The following FOXRED1 variants were observed in gnomAD, a reference collection of about 807,000 sequenced individuals.
The protein encoded by FOXRED1 is FAD-dependent oxidoreductase domain-containing protein 1.
In FOXRED1, 52 loss-of-function variants were observed where a neutral mutation model predicts 57.8. The ratio of observed to expected loss-of-function variants is 0.90; its 90% CI spans 0.72 to 1.13. The LOEUF (loss-of-function observed/expected upper bound fraction) is 1.13. Among genes scored for constraint, FOXRED1 ranks in the 50% most tolerant of loss-of-function variants. The pLI is 0.00. For missense variants in FOXRED1, 589 were observed against 625.2 expected, an observed-to-expected ratio of 0.94 and a Z score of 0.62; for synonymous variants, 271 against 248.3, an observed-to-expected ratio of 1.09 and a Z score of -0.86.
rs756157814 is a variant in FOXRED1 at position 126,277,783 on chromosome 11, C to A, written c.*94C>A. ...CCATCTTCCCCAGTACTGTGCCAGG[C>A]CTTCTCCCCCTCCCCAGTGTCCTCT... On this transcript the variant is annotated 3_prime_UTR_variant, in exon 11 of 11. Coordinates refer to ENST00000263578, the MANE Select transcript of FOXRED1 (RefSeq NM_017547.4). The surrounding 1 kb of genome is among the most constrained non-coding windows in gnomAD (Gnocchi z 6.8). 2.2e-6 allele frequency: 3 copies of A among 1,344,796 alleles called. No individual in the cohort carries two copies. The highest frequency in any genetic ancestry group is 2.3e-5 in the South Asian group (2 of 85,258). 83.3% of individuals were successfully genotyped at this position (1,344,796 alleles called of 1,614,324 possible).
Position 126,275,250 on chromosome 11 carries a change from G to T in FOXRED1, c.632-77G>T. ...CCCGGCTTACAAGCCCTAGAGAGGG[G>T]TTGGGGGGCACAGGAAATACAATCC... On this transcript the variant is annotated intron_variant, in intron 5 of 10. Coordinates refer to ENST00000263578, the MANE Select transcript of FOXRED1 (RefSeq NM_017547.4). This position sits in a 1 kb window ranked among gnomAD's most constrained non-coding sequence, Gnocchi z 5.9. 3 of 1,132,088 alleles carry T rather than the reference G, an allele frequency of 2.6e-6. No homozygotes were observed. The highest frequency in any genetic ancestry group is 2.5e-5 in the South Asian group (2 of 80,904). The allele number at this position is 1,132,088 out of a possible 1,614,324, so 70.1% of individuals were successfully genotyped here.
chr11:126,273,445 A>G lies in FOXRED1; in HGVS notation c.527A>G (p.Lys176Arg). The change falls in exon 4 of 11, where the codon AAA (lysine) becomes AGA (arginine). Residue 176 changes from lysine to arginine, a missense_variant. Coordinates refer to ENST00000263578, the MANE Select transcript of FOXRED1 (RefSeq NM_017547.4). This position sits in a 1 kb window ranked among gnomAD's most constrained non-coding sequence, Gnocchi z 5.9. ...KDAAAMESNV[K>R]VQRQEGAKVS... ...GCTGCAGCCATGGAGAGCAACGTGA[A>G]AGTGCAGAGGTGGGTGCCTGGCACA... The G allele has an allele frequency of 6.2e-7, 1 of 1,611,404 alleles. No homozygotes were observed. The highest frequency in any genetic ancestry group is 8.5e-7 in the Non-Finnish European group (1 of 1,177,760).
chr11:126,271,861 T>G lies in FOXRED1; in HGVS notation c.306+204T>G. 1.7e-6 allele frequency: 1 copy of G among 599,804 alleles called. No homozygotes were observed. Among genetic ancestry groups the G allele is most frequent in the Non-Finnish European group, 3.0e-6 (1 of 331,382 alleles). 37.2% of individuals were successfully genotyped at this position (599,804 alleles called of 1,614,324 possible). The stretch of plus-strand genomic sequence containing the variant: ...CCAGGAAGCTTGGCAATAAGGTTTG[T>G]TCTTTTGAAAGCAGATATCACCATA... On this transcript the variant is annotated intron_variant, in intron 2 of 10. Coordinates refer to ENST00000263578, the MANE Select transcript of FOXRED1 (RefSeq NM_017547.4). The surrounding 1 kb of genome is among the most constrained non-coding windows in gnomAD (Gnocchi z 5.3).
chr11:126,277,255 C>T lies in FOXRED1; in HGVS notation c.1206+80C>T, dbSNP rs904585803. The T allele has an allele frequency of 2.2e-5, 27 of 1,209,280 alleles. No homozygotes were observed. Among genetic ancestry groups the T allele is most frequent in the African/African-American group, 6.0e-5 (4 of 66,984 alleles). 74.9% of individuals were successfully genotyped at this position (1,209,280 alleles called of 1,614,324 possible). A position where few individuals can be genotyped will look rare whatever the true frequency, so the allele number is the denominator to read the frequency against. The stretch of plus-strand genomic sequence containing the variant: ...TGACAGTGGAGCACATTGGTCCCCT[C>T]GGACCCGTGACTGCCGTAGTCCCTC... On this transcript the variant is annotated intron_variant, in intron 10 of 10. Coordinates refer to ENST00000263578, the MANE Select transcript of FOXRED1 (RefSeq NM_017547.4). This position sits in a 1 kb window ranked among gnomAD's most constrained non-coding sequence, Gnocchi z 6.8.
chr11:126,270,618 C>G (rs1365857033), intron 1 of FOXRED1, among the ~76,000 whole-genome samples: 1 of 152,142 alleles, frequency 6.6e-6, no homozygotes, highest in Non-Finnish European at 1.5e-5. Context: ...CATCAAGGAA[C>G]TAAAGGGCCT....
Position 126,275,666 on chromosome 11 carries a change from CTG to C in FOXRED1, c.734-126_734-125del, listed in dbSNP as rs1000064062. The stretch of plus-strand genomic sequence containing the variant: ...CAAGCTCATGCCAGCTCCCTCATCT[CTG>C]TTTGCTTCAGTGTCTGTGGGAAAGC... On this transcript the variant is annotated intron_variant, in intron 6 of 10. Transcript: ENST00000263578. This position sits in a 1 kb window ranked among gnomAD's most constrained non-coding sequence, Gnocchi z 5.9. 2.5e-5 allele frequency: 19 copies of C among 756,118 alleles called. No homozygotes were observed. In the African/African-American group the frequency reaches 2.9e-4, roughly 12 times the overall value. 46.8% of individuals were successfully genotyped at this position (756,118 alleles called of 1,614,324 possible).
rs989206881 is a variant in FOXRED1 at position 126,272,666 on chromosome 11, C to T, written c.307-303C>T. ...CTTGCTACTTTACTTCAATCATAACCTTTCATTTCCCAAATGGTAGGTCAA... is the reference window on the plus strand; with the variant it reads ...CTTGCTACTTTACTTCAATCATAACTTTTCATTTCCCAAATGGTAGGTCAA... On this transcript the variant is annotated intron_variant, in intron 2 of 10. Transcript: ENST00000263578. The surrounding 1 kb of genome is among the most constrained non-coding windows in gnomAD (Gnocchi z 4.6). The T allele has an allele frequency of 1.5e-5, 7 of 474,074 alleles. No individual in the cohort carries two copies. The highest frequency in any genetic ancestry group is 1.2e-4 in the African/African-American group (6 of 50,978). The allele number at this position is 474,074 out of a possible 1,614,324, so 29.4% of individuals were successfully genotyped here. A position where few individuals can be genotyped will look rare whatever the true frequency, so the allele number is the denominator to read the frequency against.
rs904377617 is a variant in FOXRED1, at chr11:126,271,018, A to G, written c.86-419A>G. The G allele has an allele frequency of 2.7e-5, 7 of 263,098 alleles. 1 individual carries two copies. Among genetic ancestry groups the G allele is most frequent in the South Asian group, 2.5e-4 (6 of 24,272 alleles). The allele number at this position is 263,098 out of a possible 1,614,324, so 16.3% of individuals were successfully genotyped here. A position where few individuals can be genotyped will look rare whatever the true frequency, so the allele number is the denominator to read the frequency against. ...AATGTAGGTTTGGTGGTGGTGATGG[A>G]TATCCAGGATAAGCATGGCACCGCT... On this transcript the variant is annotated intron_variant, in intron 1 of 10. Transcript: ENST00000263578. The surrounding 1 kb of genome is among the most constrained non-coding windows in gnomAD (Gnocchi z 5.3).
chr11:126,277,056 C>T lies in FOXRED1; in HGVS notation c.1102-15C>T. ...TCCCAGGCAATGTAAGCGTTGTCCC[C>T]ACCTCTCACTCCAGCAGGAAGAACC... On this transcript the variant is annotated splice_polypyrimidine_tract_variant and intron_variant, in intron 9 of 10. Transcript: ENST00000263578. The surrounding 1 kb of genome is among the most constrained non-coding windows in gnomAD (Gnocchi z 6.8). 1.3e-6 allele frequency: 2 copies of T among 1,529,558 alleles called. No homozygotes were observed. The highest frequency in any genetic ancestry group is 1.8e-6 in the Non-Finnish European group (2 of 1,103,368). 94.7% of individuals were successfully genotyped at this position (1,529,558 alleles called of 1,614,324 possible).
Position 126,275,114 on chromosome 11 carries a change from C to A in FOXRED1, c.631+93C>A. On this transcript the variant is annotated intron_variant, in intron 5 of 10. Coordinates refer to ENST00000263578, the MANE Select transcript of FOXRED1 (RefSeq NM_017547.4). This position sits in a 1 kb window ranked among gnomAD's most constrained non-coding sequence, Gnocchi z 5.9. ...GGAGTCTCGGTACTCCACAGCCAAG[C>A]TGAAGGAGGAACACTTCCCTCCTGT... 1.1e-6 allele frequency: 1 copy of A among 909,860 alleles called. No individual in the cohort carries two copies. Among genetic ancestry groups the A allele is most frequent in the Non-Finnish European group, 1.8e-6 (1 of 549,334 alleles). 56.4% of individuals were successfully genotyped at this position (909,860 alleles called of 1,614,324 possible).
Position 126,271,047 on chromosome 11 carries a change from C to T in FOXRED1, c.86-390C>T, listed in dbSNP as rs766146266. The T allele has an allele frequency of 2.2e-5, 7 of 321,596 alleles. No individual in the cohort carries two copies. The highest frequency in any genetic ancestry group is 8.3e-5 in the East Asian group (1 of 12,070). 19.9% of individuals were successfully genotyped at this position (321,596 alleles called of 1,614,324 possible). On this transcript the variant is annotated intron_variant, in intron 1 of 10. Transcript: ENST00000263578. The surrounding 1 kb of genome is among the most constrained non-coding windows in gnomAD (Gnocchi z 5.3). ...CCAGGATAAGCATGGCACCGCTTAGCGGTGACATGCTTCAGAGGGTGCCGT... is the reference window on the plus strand; with the variant it reads ...CCAGGATAAGCATGGCACCGCTTAGTGGTGACATGCTTCAGAGGGTGCCGT...
At position 126,271,263 on chromosome 11, in the gene FOXRED1, T is replaced by A; in HGVS notation, c.86-174T>A. The A allele has an allele frequency of 1.5e-6, 1 of 664,534 alleles. No individual in the cohort carries two copies. Among genetic ancestry groups the A allele is most frequent in the Non-Finnish European group, 2.7e-6 (1 of 363,904 alleles). The allele number at this position is 664,534 out of a possible 1,614,324, so 41.2% of individuals were successfully genotyped here. A position where few individuals can be genotyped will look rare whatever the true frequency, so the allele number is the denominator to read the frequency against. ...AAGAGACTGATGGCATGTGGACTAT[T>A]CAGAAAACTGTGGCAACACTGTTGG... On this transcript the variant is annotated intron_variant, in intron 1 of 10. Transcript: ENST00000263578. This position sits in a 1 kb window ranked among gnomAD's most constrained non-coding sequence, Gnocchi z 5.3.
rs1168226778 is a variant in FOXRED1, at chr11:126,271,962, C to CTT, written c.306+321_306+322dup. 3.3e-3 allele frequency: 989 copies of CTT among 298,036 alleles called. No homozygotes were observed. Among genetic ancestry groups the CTT allele is most frequent in the South Asian group, 6.0e-3 (210 of 35,076 alleles). 18.5% of individuals were successfully genotyped at this position (298,036 alleles called of 1,614,324 possible). On this transcript the variant is annotated intron_variant, in intron 2 of 10. Coordinates refer to ENST00000263578, the MANE Select transcript of FOXRED1 (RefSeq NM_017547.4). This position sits in a 1 kb window ranked among gnomAD's most constrained non-coding sequence, Gnocchi z 5.3. Reference sequence around the variant, plus strand: ...CTATAATTAAGTGTCTCAATTTTCTCTTTTTTTTTTTTTTTTTGAGACAGA... The same window carrying CTT: ...CTATAATTAAGTGTCTCAATTTTCTCTTTTTTTTTTTTTTTTTTTGAGACAGA...
rs150405492 is a variant in FOXRED1 at position 126,271,041 on chromosome 11, G to A, written c.86-396G>A. The A allele has an allele frequency of 9.1e-4, 289 of 317,568 alleles. No homozygotes were observed. The highest frequency in any genetic ancestry group is 4.5e-3 in the African/African-American group (209 of 46,264). 19.7% of individuals were successfully genotyped at this position (317,568 alleles called of 1,614,324 possible). A position where few individuals can be genotyped will look rare whatever the true frequency, so the allele number is the denominator to read the frequency against. On this transcript the variant is annotated intron_variant, in intron 1 of 10. Coordinates refer to ENST00000263578, the MANE Select transcript of FOXRED1 (RefSeq NM_017547.4). This position sits in a 1 kb window ranked among gnomAD's most constrained non-coding sequence, Gnocchi z 5.3. ...GGATATCCAGGATAAGCATGGCACC[G>A]CTTAGCGGTGACATGCTTCAGAGGG...
In FOXRED1 at chr11:126,271,962, C is replaced by CTTT. The variant is rs1168226778; in HGVS notation, c.306+320_306+322dup. On this transcript the variant is annotated intron_variant, in intron 2 of 10. Coordinates refer to ENST00000263578, the MANE Select transcript of FOXRED1 (RefSeq NM_017547.4). This position sits in a 1 kb window ranked among gnomAD's most constrained non-coding sequence, Gnocchi z 5.3. ...CTATAATTAAGTGTCTCAATTTTCTCTTTTTTTTTTTTTTTTTGAGACAGA... is the reference window on the plus strand; with the variant it reads ...CTATAATTAAGTGTCTCAATTTTCTCTTTTTTTTTTTTTTTTTTTTGAGACAGA... 52 of 299,302 alleles carry CTTT rather than the reference C, an allele frequency of 1.7e-4. No homozygotes were observed. The highest frequency in any genetic ancestry group is 4.0e-4 in the South Asian group (14 of 35,346). 18.5% of individuals were successfully genotyped at this position (299,302 alleles called of 1,614,324 possible). A position where few individuals can be genotyped will look rare whatever the true frequency, so the allele number is the denominator to read the frequency against.
intron 1 of FOXRED1, 77 bp downstream of exon 1, chr11:126,269,368 A>G (rs1314886750): frequency 6.2e-7 from 1 of 1,611,786 alleles, no homozygotes; most frequent in Non-Finnish European, 8.5e-7. Context: ...TCAGGACCCG[A>G]AACCATGGCC....
rs1951120200 is a variant in FOXRED1, at chr11:126,276,049, G to C, written c.811-10G>C. 6.2e-7 allele frequency: 1 copy of C among 1,612,732 alleles called. No individual in the cohort carries two copies. Among genetic ancestry groups the C allele is most frequent in the Non-Finnish European group, 8.5e-7 (1 of 1,179,982 alleles). ...GGGCCTTCCCACTCCTCACCCTCTG[G>C]TGTCTGCAGGTGAAGATGGACCGCA... On this transcript the variant is annotated splice_polypyrimidine_tract_variant and intron_variant, in intron 7 of 10. Coordinates refer to ENST00000263578, the MANE Select transcript of FOXRED1 (RefSeq NM_017547.4).
chr11:126,269,171 A>C lies in FOXRED1; in HGVS notation c.-36A>C, dbSNP rs756666885. ...ACGGCTGCGATAATAGCGAGGCAGC[A>C]GTGCAGCTTTCAGAGGGTCCGGGCT... is the stretch of plus-strand genomic sequence containing the variant. On this transcript the variant is annotated 5_prime_UTR_variant, in exon 1 of 11. Transcript: ENST00000263578. The C allele has an allele frequency of 5.4e-6, 8 of 1,470,270 alleles. No individual in the cohort carries two copies. Among genetic ancestry groups the C allele is most frequent in the South Asian group, 3.4e-5 (3 of 87,910 alleles). 91.1% of individuals were successfully genotyped at this position (1,470,270 alleles called of 1,614,324 possible).
In FOXRED1 at chr11:126,272,760, A is replaced by G. The variant is rs1238459084; in HGVS notation, c.307-209A>G. On this transcript the variant is annotated intron_variant, in intron 2 of 10. Transcript: ENST00000263578. This position sits in a 1 kb window ranked among gnomAD's most constrained non-coding sequence, Gnocchi z 4.6. ...GTACCACTGTGTCAGCTCTTTCCAG[A>G]TGACTGACCCTCTCTGCTCTGCACA... 3.2e-6 allele frequency: 2 copies of G among 624,804 alleles called. No individual in the cohort carries two copies. The highest frequency in any genetic ancestry group is 5.8e-6 in the Non-Finnish European group (2 of 347,120). The allele number at this position is 624,804 out of a possible 1,614,324, so 38.7% of individuals were successfully genotyped here. A position where few individuals can be genotyped will look rare whatever the true frequency, so the allele number is the denominator to read the frequency against.
Sources: allele counts gnomAD v4.1 joint callset (sites outside exome capture counted in the v4.1 genomes callset), GRCh38; gene constraint gnomAD v4.1.1; non-coding constraint Gnocchi (gnomAD v3.1); transcripts MANE v1.5; gene names NCBI Gene and HGNC (gene_info 2026-07-23, HGNC 2026-07-21).